SHROOM3: variants seen among roughly 807,000 people sequenced by gnomAD.
SHROOM3 encodes shroom family member 3.
SHROOM3 carries 47 observed loss-of-function variants against 138.6 expected under a neutral mutation model. The observed-to-expected ratio is 0.34, with a 90% CI of 0.27 to 0.43. SHROOM3 has a LOEUF of 0.43. SHROOM3 is among the 20% of genes least tolerant of loss of function. The pLI is 1.00. For missense variants in SHROOM3, 2,491 were observed against 2,596.5 expected (o/e 0.96, Z 0.88); for synonymous variants, 1,062 against 1,063.3 (o/e 1.00, Z 0.02).
intron 1 of SHROOM3, among the ~76,000 whole-genome samples, chr4:76,473,616 GA>G (rs1397968609): frequency 6.6e-6 from 1 of 150,924 alleles, no homozygotes; most frequent in African/African-American, 2.4e-5. Context: ...CTCAAAAAAA[GA>G]AAAAAAAGAA....
At chr4:76,564,204 A>C (rs977062828) in intron 2 of SHROOM3, among the ~76,000 whole-genome samples, 3 of 152,190 alleles carry the variant, frequency 2.0e-5, no homozygotes, top group East Asian at 3.9e-4. Flanking sequence ...CATGAGTACA[A>C]ATCCCAAACT....
Position 76,641,573 on chromosome 4 carries a change from C to T in SHROOM3, c.324-68583C>T, listed in dbSNP as rs1026873843. On this transcript the variant is annotated intron_variant, in intron 2 of 10. Transcript: ENST00000296043. ...AACATTTGCATGTCACAGGCTTCAA[C>T]CCAGCAATCCAACACACAGGTGCGT... is the stretch of plus-strand genomic sequence containing the variant. 5.9e-5 allele frequency among the ~76,000 whole-genome samples: 9 copies of T among 152,222 alleles called. No homozygotes were observed. In the East Asian group the frequency reaches 1.7e-3, roughly 29 times the overall value.
chr4:76,593,099 C>A (rs1414981312), intron 2 of SHROOM3, among the ~76,000 whole-genome samples: 1 of 152,180 alleles, frequency 6.6e-6, no homozygotes, highest in Non-Finnish European at 1.5e-5. Context: ...TGAAGACCAT[C>A]ATTTAGAGTC....
intron 2 of SHROOM3, among the ~76,000 whole-genome samples, chr4:76,581,728 T>C (rs1734057715): frequency 6.6e-6 from 1 of 152,192 alleles, no homozygotes; most frequent in South Asian, 2.1e-4. Context: ...AAATGGGCTA[T>C]AAGGGAGAAA....
intron 2 of SHROOM3, chr4:76,644,384 G>C (rs1185338738): frequency 6.6e-6 from 1 of 151,258 alleles, no homozygotes; most frequent in East Asian, 2.0e-4. Flanking sequence ...CGAGTAGCTG[G>C]GATAACAGGC....
At chr4:76,667,138 G>GAAGAGTAAAAGAGTTCTGAGTAC (rs1306923812) in intron 2 of SHROOM3, among the ~76,000 whole-genome samples, 2 of 152,156 alleles carry the variant, frequency 1.3e-5, no homozygotes, top group African/African-American at 4.8e-5. Context: ...TCGTAAAACT[G>GAAGAGTAAAAGAGTTCTGAGTAC]AAGAGTAAAA....
chr4:76,740,570 T>G lies in SHROOM3; in HGVS notation c.2397T>G (p.Ser799Arg). ...EQREQGSQRPSVGGSGFGHNY... is the reference protein window; with the variant it reads ...EQREQGSQRPRVGGSGFGHNY... Reference sequence around the variant, plus strand: ...GAGAGCAAGGGAGCCAGAGACCGAGTGTGGGCGGCTCTGGTTTTGGCCATA... The same window carrying G: ...GAGAGCAAGGGAGCCAGAGACCGAGGGTGGGCGGCTCTGGTTTTGGCCATA... The change falls in exon 5 of 11, where the codon AGT becomes AGG. Residue 799 changes from serine to arginine, a missense_variant. Around this residue, in one of 4 missense-constraint regions of SHROOM3, gnomAD observed 1,733 missense variants for 1,661.6 expected, o/e 1.04. Coordinates refer to ENST00000296043, the MANE Select transcript of SHROOM3 (RefSeq NM_020859.4). This position sits in a 1 kb window ranked among gnomAD's most constrained non-coding sequence, Gnocchi z 4.0. 6.2e-7 allele frequency: 1 copy of G among 1,613,972 alleles called. No individual in the cohort carries two copies. Among genetic ancestry groups the G allele is most frequent in the Non-Finnish European group, 8.5e-7 (1 of 1,179,982 alleles).
intron 1 of SHROOM3, among the ~76,000 whole-genome samples, chr4:76,544,423 T>TTTTG (rs1733168529): frequency 6.9e-6 from 1 of 144,746 alleles, no homozygotes; most frequent in Non-Finnish European, 1.5e-5. Context: ...TTTTTTTTTT[T>TTTTG]TTTTTTTTTT....
chr4:76,716,366 A>G (rs748025515), intron 3 of SHROOM3: 22 of 519,030 alleles, frequency 4.2e-5, no homozygotes, highest in Middle Eastern at 6.4e-4. Context: ...ATGACATCCA[A>G]TTGGCCAGAG....
Position 76,687,984 on chromosome 4 carries a change from C to G in SHROOM3, c.324-22172C>G, listed in dbSNP as rs539897415. ...CTCCAGCTAATACTTCTTACTCCCC[C>G]CCACGCGCAATGGCAGCGGCAATGT... On this transcript the variant is annotated intron_variant, in intron 2 of 10. Coordinates refer to ENST00000296043, the MANE Select transcript of SHROOM3 (RefSeq NM_020859.4). 9.2e-5 allele frequency among the ~76,000 whole-genome samples: 14 copies of G among 152,318 alleles called. No homozygotes were observed. In the South Asian group the frequency reaches 1.2e-3, roughly 14 times the overall value.
At chr4:76,650,667 C>G (rs1404246078) in intron 2 of SHROOM3, among the ~76,000 whole-genome samples, 1 of 152,062 alleles carries the variant, frequency 6.6e-6, no homozygotes. Flanking sequence ...GCCTCAGCCT[C>G]CCAAGTAGCT....
intron 10 of SHROOM3, among the ~76,000 whole-genome samples, chr4:76,772,644 C>A (rs1160884008): frequency 1.3e-5 from 2 of 152,166 alleles, no homozygotes; most frequent in Non-Finnish European, 2.9e-5. Context: ...TCTGATACTA[C>A]CTAACTCAGA....
intron 1 of SHROOM3, among the ~76,000 whole-genome samples, chr4:76,477,188 C>G (rs7442007): frequency 6.6e-6 from 1 of 151,964 alleles, no homozygotes; most frequent in East Asian, 1.9e-4. Context: ...AGGATGGTCT[C>G]GATCTTCTGA....
At chr4:76,548,359 A>G (rs1733271900) in intron 1 of SHROOM3, among the ~76,000 whole-genome samples, 1 of 152,192 alleles carries the variant, frequency 6.6e-6, no homozygotes. Context: ...GGAGGGCACA[A>G]ACCCTGGAGA....
At chr4:76,604,973 T>G (rs1209678444) in intron 2 of SHROOM3, among the ~76,000 whole-genome samples, 1 of 152,230 alleles carries the variant, frequency 6.6e-6, no homozygotes. Flanking sequence ...TATATTTCCC[T>G]GGATTGAATT....
At chr4:76,441,739 T>C (rs1233177441) in intron 1 of SHROOM3, among the ~76,000 whole-genome samples, 1 of 152,228 alleles carries the variant, frequency 6.6e-6, no homozygotes, top group Non-Finnish European at 1.5e-5. Context: ...TTTTTGTTTT[T>C]GAGATAGAGT....
chr4:76,585,728 G>A (rs1009882434), intron 2 of SHROOM3, among the ~76,000 whole-genome samples: 1 of 151,986 alleles, frequency 6.6e-6, no homozygotes, highest in East Asian at 1.9e-4. Flanking sequence ...TTATGTCTGT[G>A]GTGATTTTTA....
At chr4:76,574,481 T>C (rs1733897708) in intron 2 of SHROOM3, among the ~76,000 whole-genome samples, 1 of 152,134 alleles carries the variant, frequency 6.6e-6, no homozygotes, top group Non-Finnish European at 1.5e-5. Context: ...CATTAAATAT[T>C]TCAGCAAATT....
At chr4:76,688,487 A>G in intron 2 of SHROOM3, 2 of 985,396 alleles carry the variant, frequency 2.0e-6, no homozygotes, top group Non-Finnish European at 2.4e-6. Flanking sequence ...ACATTTAACA[A>G]CAGGGATTCT....
Sources: gnomAD v4.1 joint callset for allele counts (sites outside exome capture counted in the v4.1 genomes callset) on GRCh38, gnomAD v4.1.1 for gene constraint, gnomAD v4.1.1 regional missense constraint, Gnocchi (gnomAD v3.1) non-coding constraint, MANE v1.5 for transcripts, NCBI Gene and HGNC (gene_info 2026-07-23, HGNC 2026-07-21) for gene names.